The following SUPT3H variants were observed in gnomAD, a reference collection of about 807,000 sequenced individuals.
SUPT3H encodes the protein transcription initiation protein SPT3 homolog.
A neutral mutation model predicts 44.3 loss-of-function variants in SUPT3H; 44 were observed. The ratio of observed to expected loss-of-function variants is 0.99; its 90% CI spans 0.78 to 1.28. The LOEUF (loss-of-function observed/expected upper bound fraction) is 1.28, where lower values mean the gene tolerates loss of function less well. SUPT3H is among the 50% of genes most tolerant of loss of function. The pLI is 0.00. For missense variants in SUPT3H, 380 were observed against 387.1 expected (o/e 0.98, Z 0.15); for synonymous variants, 124 against 125.6 (o/e 0.99, Z 0.09).
At chr6:44,986,566 G>A (rs978104138) in intron 6 of SUPT3H, among the ~76,000 whole-genome samples, 13 of 152,114 alleles carry the variant, frequency 8.5e-5, no homozygotes, top group African/African-American at 3.1e-4. Context: ...AATACTTTGA[G>A]TTGAGATGCA....
At chr6:44,979,895 A>G (rs1201126559) in intron 6 of SUPT3H, among the ~76,000 whole-genome samples, 3 of 152,236 alleles carry the variant, frequency 2.0e-5, no homozygotes, top group African/African-American at 7.2e-5. Flanking sequence ...AACAATTTTT[A>G]TAGTAGACCA....
In SUPT3H at chr6:44,857,594, G is replaced by A. The variant is rs943547889; in HGVS notation, c.913-27737C>T. On this transcript the variant is annotated intron_variant, in intron 10 of 10. Coordinates refer to ENST00000371459, the MANE Select transcript of SUPT3H (RefSeq NM_003599.4). ...ATGATTTTACTATTGCTATTATTAT[G>A]TAGCATTATTAACAGATTTTCTTTA... Among the ~76,000 whole-genome samples the A allele has an allele frequency of 5.9e-5, 9 of 152,256 alleles. No individual in the cohort carries two copies. In the Middle Eastern group the frequency reaches 0.02, roughly 345 times the overall value.
intron 2 of SUPT3H, among the ~76,000 whole-genome samples, chr6:45,258,997 C>CA (rs1166126091): frequency 6.6e-6 from 1 of 152,082 alleles, no homozygotes; most frequent in African/African-American, 2.4e-5. Context: ...GTTACTCTAA[C>CA]AACTGTACTA....
chr6:45,296,737 TCAAAAAA>T, intron 2 of SUPT3H, among the ~76,000 whole-genome samples: 2 of 3,372 alleles, frequency 5.9e-4, no homozygotes, highest in Admixed American at 4.3e-3. Context: ...AGACTCTGTC[TCAAAAAA>T]AAAAAAAAAA....
chr6:45,153,246 G>A (rs2153597387), intron 2 of SUPT3H, among the ~76,000 whole-genome samples: 1 of 152,228 alleles, frequency 6.6e-6, no homozygotes, highest in South Asian at 2.1e-4. Context: ...TCTGCCATTA[G>A]AATGTAAGCT....
At chr6:45,366,299 C>T (rs1177426753) in intron 1 of SUPT3H, among the ~76,000 whole-genome samples, 1 of 152,166 alleles carries the variant, frequency 6.6e-6, no homozygotes, top group Non-Finnish European at 1.5e-5. Context: ...AGATTTGAAT[C>T]CCAGCTCCGC....
chr6:44,945,666 G>C (rs1773225689), intron 9 of SUPT3H, among the ~76,000 whole-genome samples: 1 of 152,090 alleles, frequency 6.6e-6, no homozygotes, highest in African/African-American at 2.4e-5. Flanking sequence ...AAGGCCAAGA[G>C]AGATGAGAAA....
intron 2 of SUPT3H, among the ~76,000 whole-genome samples, chr6:45,352,991 T>C (rs1792381530): frequency 6.6e-6 from 1 of 152,078 alleles, no homozygotes; most frequent in Admixed American, 6.6e-5. Flanking sequence ...CACAGCACAA[T>C]TCTACATTCT....
At chr6:45,082,970 T>C (rs1796005504) in intron 3 of SUPT3H, among the ~76,000 whole-genome samples, 1 of 152,132 alleles carries the variant, frequency 6.6e-6, no homozygotes, top group Non-Finnish European at 1.5e-5. Flanking sequence ...AGCACTTCCA[T>C]ACATTTATAA....
At chr6:45,239,406 C>A (rs1020142669) in intron 2 of SUPT3H, among the ~76,000 whole-genome samples, 2 of 152,204 alleles carry the variant, frequency 1.3e-5, no homozygotes, top group African/African-American at 4.8e-5. Context: ...CCTCTGGTCT[C>A]AAGCGCAGAT....
chr6:45,015,916 A>G (rs1485955111), intron 4 of SUPT3H, among the ~76,000 whole-genome samples: 2 of 151,972 alleles, frequency 1.3e-5, no homozygotes, highest in African/African-American at 4.8e-5. Context: ...GCATGCATGG[A>G]ACTGTCAGCT....
chr6:45,161,039 T>C (rs910925639), intron 2 of SUPT3H, among the ~76,000 whole-genome samples: 5 of 152,034 alleles, frequency 3.3e-5, no homozygotes, highest in African/African-American at 1.2e-4. Context: ...TGTTTAAGTG[T>C]GTTCCCCCAA....
chr6:45,128,547 TATATATATATACACACAC>T (rs1294295328), intron 2 of SUPT3H, among the ~76,000 whole-genome samples: 1 of 64,280 alleles, frequency 1.6e-5, no homozygotes, highest in Non-Finnish European at 2.7e-5. Flanking sequence ...TATATATATA[TATATATATATACACACAC>T]ACACACACAC....
intron 11 of SUPT3H, among the ~76,000 whole-genome samples, chr6:44,810,305 A>C (rs1381217734): frequency 3.9e-5 from 6 of 152,248 alleles, no homozygotes; most frequent in Non-Finnish European, 8.8e-5. Flanking sequence ...GGCTAACAGA[A>C]GACGGAAGTT....
At chr6:44,861,066 G>A (rs35856781) in intron 10 of SUPT3H, among the ~76,000 whole-genome samples, 23,932 of 152,106 alleles carry the variant, frequency 0.16, 2,284 homozygotes, top group Admixed American at 0.28. Flanking sequence ...CTCAGTCATA[G>A]CTTTCTTTTG....
chr6:45,142,059 A>C (rs994532921), intron 2 of SUPT3H, among the ~76,000 whole-genome samples: 1 of 152,186 alleles, frequency 6.6e-6, no homozygotes, highest in African/African-American at 2.4e-5. Flanking sequence ...CTCACCAGAA[A>C]CCTTACAAGC....
At chr6:44,867,017 A>G (rs1417647981) in intron 10 of SUPT3H, among the ~76,000 whole-genome samples, 3 of 152,248 alleles carry the variant, frequency 2.0e-5, no homozygotes, top group Non-Finnish European at 4.4e-5. Flanking sequence ...CTGCACATGT[A>G]AAAATACTAA....
intron 3 of SUPT3H, among the ~76,000 whole-genome samples, chr6:45,037,588 C>T (rs1583193946): frequency 6.6e-6 from 1 of 151,714 alleles, no homozygotes; most frequent in South Asian, 2.1e-4. Flanking sequence ...TGTTTGAACC[C>T]GGGAAGTGGA....
At chr6:44,851,523 T>C (rs2153421605) in intron 10 of SUPT3H, among the ~76,000 whole-genome samples, 1 of 152,314 alleles carries the variant, frequency 6.6e-6, no homozygotes, top group African/African-American at 2.4e-5. Context: ...GAACTAGTGA[T>C]GAGAAAAAGT....
Sources: gnomAD v4.1 joint callset for allele counts (sites outside exome capture counted in the v4.1 genomes callset) on GRCh38, gnomAD v4.1.1 for gene constraint, MANE v1.5 for transcripts, NCBI Gene and HGNC (gene_info 2026-07-23, HGNC 2026-07-21) for gene names.